The following SHROOM3 variants were observed in gnomAD, a reference collection of about 807,000 sequenced individuals.
SHROOM3 encodes protein Shroom3.
In SHROOM3, 47 loss-of-function variants were observed where a neutral mutation model predicts 138.6. The observed-to-expected ratio is 0.34, with a 90% CI of 0.27 to 0.43. The LOEUF is 0.43. Ranked by LOEUF, SHROOM3 falls within the 20% of genes least tolerant of loss-of-function variation. The pLI is 1.00. For missense variants in SHROOM3, 2,491 were observed against 2,596.5 expected, an observed-to-expected ratio of 0.96 and a Z score of 0.88; for synonymous variants, 1,062 against 1,063.3, an observed-to-expected ratio of 1.00 and a Z score of 0.02.
intron 10 of SHROOM3, among the ~76,000 whole-genome samples, chr4:76,772,068 C>G (rs1193761068): frequency 6.6e-6 from 1 of 151,006 alleles, no homozygotes; most frequent in Non-Finnish European, 1.5e-5. Flanking sequence ...AGAGGGGCTC[C>G]TTTTCTTGCC....
intron 2 of SHROOM3, among the ~76,000 whole-genome samples, chr4:76,614,496 A>T (rs1022848876): frequency 6.6e-6 from 1 of 151,970 alleles, no homozygotes; most frequent in African/African-American, 2.4e-5. Context: ...ATTTTACTTT[A>T]AATTTTGGGA....
At chr4:76,504,924 A>G (rs1434526110) in intron 1 of SHROOM3, among the ~76,000 whole-genome samples, 2 of 152,222 alleles carry the variant, frequency 1.3e-5, no homozygotes, top group Non-Finnish European at 2.9e-5. Context: ...GCCAATTCAG[A>G]CCCAAGTTGC....
Position 76,740,815 on chromosome 4 carries a change from C to G in SHROOM3, c.2642C>G (p.Pro881Arg), listed in dbSNP as rs750819206. ...ASDSGRGPQR[P>R]DARLLRSQST... ...GACAGCGGCCGTGGCCCCCAGAGGC[C>G]GGACGCTCGGCTCCTCCGTAGCCAG... The change falls in exon 5 of 11, where the codon CCG becomes CGG. Residue 881 changes from proline to arginine, a missense_variant. By Grantham distance (103) the Pro-to-Arg change is moderately radical (BLOSUM62 -2). Transcript: ENST00000296043. This position sits in a 1 kb window ranked among gnomAD's most constrained non-coding sequence, Gnocchi z 4.0. 5.6e-6 allele frequency: 9 copies of G among 1,604,682 alleles called. No individual in the cohort carries two copies. The highest frequency in any genetic ancestry group is 7.7e-6 in the Non-Finnish European group (9 of 1,175,822).
At chr4:76,656,570 G>A (rs746179754) in intron 2 of SHROOM3, among the ~76,000 whole-genome samples, 2 of 152,046 alleles carry the variant, frequency 1.3e-5, no homozygotes, top group South Asian at 2.1e-4. Context: ...CTTCTTACTC[G>A]ACTGTAATAT....
intron 2 of SHROOM3, among the ~76,000 whole-genome samples, chr4:76,590,339 T>A (rs996789561): frequency 6.6e-6 from 1 of 152,076 alleles, no homozygotes; most frequent in East Asian, 1.9e-4. Flanking sequence ...CAGTTGCGGG[T>A]GAGCCGTCTG....
At chr4:76,512,566 G>A (rs147760951) in intron 1 of SHROOM3, among the ~76,000 whole-genome samples, 2 of 152,128 alleles carry the variant, frequency 1.3e-5, no homozygotes, top group Non-Finnish European at 2.9e-5. Context: ...CTTGGGGATC[G>A]AGGGACAAGG....
intron 2 of SHROOM3, chr4:76,573,582 G>A (rs866785559): frequency 6.5e-5 from 10 of 154,486 alleles, no homozygotes; most frequent in African/African-American, 1.9e-4. Flanking sequence ...TGGGGATTTG[G>A]AGAAGTGGTG....
At chr4:76,577,691 T>C (rs1251931418) in intron 2 of SHROOM3, among the ~76,000 whole-genome samples, 1 of 152,220 alleles carries the variant, frequency 6.6e-6, no homozygotes, top group Non-Finnish European at 1.5e-5. Context: ...AAGTCCCCTA[T>C]AACTCCTTCA....
chr4:76,538,448 G>C (rs1733027795), intron 1 of SHROOM3, among the ~76,000 whole-genome samples: 1 of 152,098 alleles, frequency 6.6e-6, no homozygotes, highest in African/African-American at 2.4e-5. Context: ...TGAGGATATG[G>C]GTGTCACTAA....
intron 2 of SHROOM3, among the ~76,000 whole-genome samples, chr4:76,648,148 T>C (rs1396495395): frequency 6.6e-6 from 1 of 151,654 alleles, no homozygotes; most frequent in Non-Finnish European, 1.5e-5. Context: ...AGCAACATAG[T>C]GAGACCCTGT....
rs1295816612 is a variant in SHROOM3 at position 76,770,673 on chromosome 4, G to A, written c.5397G>A (p.Glu1799=). The A allele has an allele frequency of 1.2e-6, 2 of 1,614,174 alleles. No homozygotes were observed. Among genetic ancestry groups the A allele is most frequent in the African/African-American group, 1.3e-5 (1 of 75,044 alleles). ...CCCACAAGCTGGAGACCCTCCAGGA[G>A]GCGAAGGGGAGCCTGCTCACGGACA... is the stretch of plus-strand genomic sequence containing the variant. ...SLTHKLETLQ[E]AKGSLLTDIK... Residue 1799 remains glutamate, a synonymous_variant, in exon 10 of 11, where the codon GAG becomes GAA. Transcript: ENST00000296043.
intron 1 of SHROOM3, among the ~76,000 whole-genome samples, chr4:76,471,400 C>T (rs111832566): frequency 0.12 from 18,924 of 152,032 alleles, 1,335 homozygotes; most frequent in East Asian, 0.21. Context: ...CACACCACCA[C>T]GCCTGGCTAA....
chr4:76,692,285 G>C (rs1024074269), intron 2 of SHROOM3, among the ~76,000 whole-genome samples: 1 of 152,222 alleles, frequency 6.6e-6, no homozygotes, highest in African/African-American at 2.4e-5. Flanking sequence ...AGGAATAGGG[G>C]CATGAACAAT....
At chr4:76,647,208 A>G (rs1346508023) in intron 2 of SHROOM3, among the ~76,000 whole-genome samples, 1 of 152,186 alleles carries the variant, frequency 6.6e-6, no homozygotes, top group African/African-American at 2.4e-5. Flanking sequence ...GGGGGCTAAA[A>G]AAGTTGATCC....
At chr4:76,776,789 G>A (rs532445049) in intron 10 of SHROOM3, among the ~76,000 whole-genome samples, 3 of 152,156 alleles carry the variant, frequency 2.0e-5, no homozygotes, top group African/African-American at 7.2e-5. Flanking sequence ...GGTGAGAGAT[G>A]AGGATCTACT....
chr4:76,631,203 CTTTTTTTTT>C lies in SHROOM3; in HGVS notation c.323+75453_323+75461del. Among the ~76,000 whole-genome samples the C allele has an allele frequency of 2.9e-5, 3 of 104,204 alleles. No individual in the cohort carries two copies. In the South Asian group the frequency reaches 1.0e-3, roughly 35 times the overall value. 68.4% of individuals were successfully genotyped at this position (104,204 alleles called of 152,430 possible). On this transcript the variant is annotated intron_variant, in intron 2 of 10. Coordinates refer to ENST00000296043, the MANE Select transcript of SHROOM3 (RefSeq NM_020859.4). ...GAAAGACAGGTGACTTTTTTTTAATCTTTTTTTTTTTTTTTTTTTTTGAGATGGAGTCTT... is the reference window on the plus strand; with the variant it reads ...GAAAGACAGGTGACTTTTTTTTAATCTTTTTTTTTTTTGAGATGGAGTCTT...
chr4:76,438,098 C>T (rs1730596662), intron 1 of SHROOM3, among the ~76,000 whole-genome samples: 1 of 152,168 alleles, frequency 6.6e-6, no homozygotes, highest in African/African-American at 2.4e-5. Flanking sequence ...TTCTAGCAGA[C>T]ATGTGTAGTA....
intron 1 of SHROOM3, among the ~76,000 whole-genome samples, chr4:76,541,339 C>T (rs1733092450): frequency 6.6e-6 from 1 of 152,060 alleles, no homozygotes; most frequent in South Asian, 2.1e-4. Context: ...GTAAAATATA[C>T]ATAAATTCCT....
chr4:76,438,867 G>A (rs540992709), intron 1 of SHROOM3, among the ~76,000 whole-genome samples: 49 of 152,168 alleles, frequency 3.2e-4, no homozygotes, highest in African/African-American at 1.2e-3. Context: ...CTAGCACAGT[G>A]CCTGGCACAG....
Sources: gnomAD v4.1 joint callset for allele counts (sites outside exome capture counted in the v4.1 genomes callset) on GRCh38, gnomAD v4.1.1 for gene constraint, Gnocchi (gnomAD v3.1) non-coding constraint, MANE v1.5 for transcripts, NCBI Gene and HGNC (gene_info 2026-07-23, HGNC 2026-07-21) for gene names.